Variants in PDE9A observed in about 807,000 individuals in gnomAD.
The protein encoded by PDE9A is high affinity cGMP-specific 3',5'-cyclic phosphodiesterase 9A.
In PDE9A, 60 loss-of-function variants were observed where a neutral mutation model predicts 87.4. The observed-to-expected ratio is 0.69, with a 90% CI of 0.56 to 0.85. The LOEUF is 0.85. Ranked by LOEUF, PDE9A falls within the 40% of genes least tolerant of loss-of-function variation. The pLI is 0.00. For synonymous variants in PDE9A, 272 were observed against 279.4 expected (o/e 0.97, Z 0.27); for missense variants, 665 against 779.0 (o/e 0.85, Z 1.74).
chr21:42,738,918 T>C (rs1466609942), intron 7 of PDE9A, among the ~76,000 whole-genome samples: 1 of 152,224 alleles, frequency 6.6e-6, no homozygotes, highest in Admixed American at 6.5e-5. Context: ...CTCAAACTCC[T>C]GACCTCAGGT....
intron 1 of PDE9A, among the ~76,000 whole-genome samples, chr21:42,673,121 C>T (rs1203674469): frequency 1.3e-5 from 2 of 152,130 alleles, no homozygotes; most frequent in East Asian, 1.9e-4. Flanking sequence ...TTCCTGTGGG[C>T]GAGGTAGGAT....
chr21:42,743,606 G>A (rs2053537098), intron 7 of PDE9A, among the ~76,000 whole-genome samples, 170 bp from the exon 8 acceptor site: 1 of 152,228 alleles, frequency 6.6e-6, no homozygotes, highest in South Asian at 2.1e-4. Flanking sequence ...TGAGCTAAGC[G>A]CGGAAGTGCA....
intron 1 of PDE9A, among the ~76,000 whole-genome samples, chr21:42,662,830 C>T (rs1281101738): frequency 2.1e-5 from 3 of 140,862 alleles, no homozygotes; most frequent in Non-Finnish European, 4.6e-5. Flanking sequence ...CACACGCACA[C>T]ACCCACCACA....
At chr21:42,709,848 G>A (rs949209246) in intron 4 of PDE9A, among the ~76,000 whole-genome samples, 5 of 152,132 alleles carry the variant, frequency 3.3e-5, no homozygotes, top group Admixed American at 2.6e-4. Context: ...GAACTCCTGG[G>A]CTAAAGCAAT....
rs1484241879 is a variant in PDE9A at position 42,723,915 on chromosome 21, T to C, written c.263-7855T>C. 6.6e-6 allele frequency among the ~76,000 whole-genome samples: 1 copy of C among 152,256 alleles called. No individual in the cohort carries two copies. The highest frequency in any genetic ancestry group is 2.4e-5 in the African/African-American group (1 of 41,466). Reference sequence around the variant, plus strand: ...AACGTGAAATGACTTGAATAGGCTTTAATTTTTAAAATTCATTATACGTCC... The same window carrying C: ...AACGTGAAATGACTTGAATAGGCTTCAATTTTTAAAATTCATTATACGTCC... On this transcript the variant is annotated intron_variant, in intron 4 of 19. Coordinates refer to ENST00000291539, the MANE Select transcript of PDE9A (RefSeq NM_002606.3). This position sits in a 1 kb window ranked among gnomAD's most constrained non-coding sequence, Gnocchi z 4.3.
At chr21:42,693,272 G>A (rs2059955370) in intron 3 of PDE9A, among the ~76,000 whole-genome samples, 3 of 151,598 alleles carry the variant, frequency 2.0e-5, no homozygotes, top group Admixed American at 1.3e-4. Context: ...TTTCCACCCT[G>A]GCTGCAGATT....
chr21:42,676,102 C>T (rs919197324), intron 1 of PDE9A, among the ~76,000 whole-genome samples: 2 of 152,302 alleles, frequency 1.3e-5, no homozygotes, highest in Non-Finnish European at 2.9e-5. Context: ...CCTGTTTCAC[C>T]TTCCATCCTG....
At position 42,731,622 on chromosome 21, in the gene PDE9A, C is replaced by T. The variant is rs374529268; in HGVS notation, c.263-148C>T. 3.6e-5 allele frequency: 28 copies of T among 783,814 alleles called. No individual in the cohort carries two copies. The African/African-American group carries it at 4.0e-4, about 11-fold the overall frequency. 48.6% of individuals were successfully genotyped at this position (783,814 alleles called of 1,614,324 possible). A position where few individuals can be genotyped will look rare whatever the true frequency, so the allele number is the denominator to read the frequency against. On this transcript the variant is annotated intron_variant, in intron 4 of 19. Coordinates refer to ENST00000291539, the MANE Select transcript of PDE9A (RefSeq NM_002606.3). ...CGGCTGGACCCAGGCCTGCCTCCCC[C>T]GTGCAGACCCGCCGTGAGAACACCG...
chr21:42,764,850 A>G (rs2056204137), intron 14 of PDE9A, among the ~76,000 whole-genome samples: 1 of 152,234 alleles, frequency 6.6e-6, no homozygotes, highest in Admixed American at 6.5e-5. Flanking sequence ...AAATATATAT[A>G]TATACAGTTG....
chr21:42,751,869 C>T (rs2054471759), intron 9 of PDE9A, among the ~76,000 whole-genome samples: 1 of 151,696 alleles, frequency 6.6e-6, no homozygotes, highest in East Asian at 1.9e-4. Context: ...ACCTCAGCCT[C>T]CCAAGTAGGG....
Position 42,751,200 on chromosome 21 carries a change from A to G in PDE9A, c.735+3A>G, listed in dbSNP as rs752367803. On this transcript the variant is annotated splice_donor_region_variant and intron_variant, in intron 9 of 19. Coordinates refer to ENST00000291539, the MANE Select transcript of PDE9A (RefSeq NM_002606.3). ...GCGATGTTCCCACTTACCCCAAGGT[A>G]AGATGAGATTCCGGCCCAGAAGAAG... 9.4e-6 allele frequency: 15 copies of G among 1,604,086 alleles called. No individual in the cohort carries two copies. The African/African-American group carries it at 1.7e-4, about 19-fold the overall frequency.
intron 10 of PDE9A, 87 bp from the exon 11 acceptor site, chr21:42,758,912 C>T (rs1172117563): frequency 4.9e-6 from 5 of 1,011,652 alleles, no homozygotes; most frequent in Non-Finnish European, 7.7e-6. Flanking sequence ...CCTGCTGGCA[C>T]TCCGAGGACA....
intron 8 of PDE9A, among the ~76,000 whole-genome samples, chr21:42,748,024 C>T (rs2054044553): frequency 6.6e-6 from 1 of 152,196 alleles, no homozygotes; most frequent in Non-Finnish European, 1.5e-5. Context: ...CGGGCCCCAG[C>T]AGACCCTCCT....
At chr21:42,711,143 G>T (rs759213068) in intron 4 of PDE9A, among the ~76,000 whole-genome samples, 46 of 151,682 alleles carry the variant, frequency 3.0e-4, no homozygotes, top group Admixed American at 1.2e-3. Flanking sequence ...TGCCTTTTTC[G>T]TTTTCTTAAT....
chr21:42,775,402 C>A lies in PDE9A; in HGVS notation c.*109C>A. ...ACCTGGCACCACAAGACCATGTTTTCTAAGAACCATTTTGTTCACTGATAC... is the reference window on the plus strand; with the variant it reads ...ACCTGGCACCACAAGACCATGTTTTATAAGAACCATTTTGTTCACTGATAC... On this transcript the variant is annotated 3_prime_UTR_variant, in exon 20 of 20. Transcript: ENST00000291539. The A allele has an allele frequency of 1.1e-5, 9 of 798,946 alleles. No homozygotes were observed. The highest frequency in any genetic ancestry group is 2.2e-5 in the South Asian group (1 of 45,714). The allele number at this position is 798,946 out of a possible 1,614,324, so 49.5% of individuals were successfully genotyped here. A position where few individuals can be genotyped will look rare whatever the true frequency, so the allele number is the denominator to read the frequency against.
Position 42,659,285 on chromosome 21 carries a change from C to T in PDE9A, c.69+5402C>T, listed in dbSNP as rs1329951979. On this transcript the variant is annotated intron_variant, in intron 1 of 19. Coordinates refer to ENST00000291539, the MANE Select transcript of PDE9A (RefSeq NM_002606.3). The surrounding 1 kb of genome is among the most constrained non-coding windows in gnomAD (Gnocchi z 4.1). ...AAGCCAGAAGCCCACCTGACGCCAT[C>T]AGGAATTTCCATGAATGACCTGGAA... 2.0e-5 allele frequency among the ~76,000 whole-genome samples: 3 copies of T among 152,232 alleles called. No homozygotes were observed. The highest frequency in any genetic ancestry group is 4.4e-5 in the Non-Finnish European group (3 of 68,048).
intron 9 of PDE9A, among the ~76,000 whole-genome samples, chr21:42,752,398 A>G (rs2054530832): frequency 6.6e-6 from 1 of 152,112 alleles, no homozygotes; most frequent in African/African-American, 2.4e-5. Flanking sequence ...CAGCCTGAGT[A>G]GGTGGGATTA....
At chr21:42,662,524 A>C (rs2057588254) in intron 1 of PDE9A, among the ~76,000 whole-genome samples, 1 of 150,286 alleles carries the variant, frequency 6.7e-6, no homozygotes, top group African/African-American at 2.5e-5. Context: ...CACACCATGC[A>C]CACACACCAC....
At chr21:42,736,573 C>T (rs745470278) in intron 7 of PDE9A, among the ~76,000 whole-genome samples, 1 of 152,188 alleles carries the variant, frequency 6.6e-6, no homozygotes, top group South Asian at 2.1e-4. Context: ...TGGGTAAAAC[C>T]GGTTGTGACT....
Sources: allele counts gnomAD v4.1 joint callset (sites outside exome capture counted in the v4.1 genomes callset), GRCh38; gene constraint gnomAD v4.1.1; non-coding constraint Gnocchi (gnomAD v3.1); transcripts MANE v1.5; gene names NCBI Gene and HGNC (gene_info 2026-07-23, HGNC 2026-07-21).